The following DCDC1 variants were observed in gnomAD, a reference collection of about 807,000 sequenced individuals.
The protein encoded by DCDC1 is doublecortin domain-containing protein 1.
A neutral mutation model predicts 178.3 loss-of-function variants in DCDC1; 200 were observed. That is an observed-to-expected ratio of 1.12 (90% CI 1.00 to 1.26). DCDC1 has a LOEUF of 1.26. DCDC1 is among the 50% of genes most tolerant of loss of function. The probability of loss-of-function intolerance (pLI) is 0.00; values close to 1 mark genes in which losing one functional copy is unlikely to be tolerated. For missense variants in DCDC1, 1,983 were observed against 1,749.2 expected (o/e 1.13, Z -2.38); for synonymous variants, 690 against 604.8 (o/e 1.14, Z -2.07).
chr11:31,042,393 T>C (rs544211323), intron 20 of DCDC1, among the ~76,000 whole-genome samples: 9 of 152,306 alleles, frequency 5.9e-5, no homozygotes, highest in African/African-American at 1.9e-4. Flanking sequence ...TATACTAAGT[T>C]CTAGAATAAA....
chr11:31,119,228 A>G (rs1332687428), intron 11 of DCDC1, among the ~76,000 whole-genome samples: 1 of 152,188 alleles, frequency 6.6e-6, no homozygotes, highest in Non-Finnish European at 1.5e-5. Flanking sequence ...TAAAACCTAC[A>G]TATGAAAATT....
At chr11:31,054,117 C>T (rs913129311) in intron 20 of DCDC1, among the ~76,000 whole-genome samples, 2 of 151,842 alleles carry the variant, frequency 1.3e-5, no homozygotes, top group South Asian at 2.1e-4. Context: ...TAAAAGAATT[C>T]GGCAAAGTTT....
chr11:31,301,221 A>G (rs1295106962), intron 6 of DCDC1, among the ~76,000 whole-genome samples: 3 of 152,184 alleles, frequency 2.0e-5, no homozygotes, highest in Non-Finnish European at 4.4e-5. Flanking sequence ...GAATATATAT[A>G]GAAAAGTGGA....
chr11:31,355,540 G>C (rs1951297187), intron 1 of DCDC1, among the ~76,000 whole-genome samples: 2 of 151,960 alleles, frequency 1.3e-5, no homozygotes, highest in South Asian at 2.1e-4. Context: ...TTTGGTTACT[G>C]AATTAGTGTT....
At chr11:30,946,181 C>T (rs192733614) in intron 21 of DCDC1, among the ~76,000 whole-genome samples, 1 of 152,254 alleles carries the variant, frequency 6.6e-6, no homozygotes, top group Non-Finnish European at 1.5e-5. Context: ...TAAGGATATT[C>T]CTCTTGCCCT....
intron 11 of DCDC1, among the ~76,000 whole-genome samples, chr11:31,122,825 A>C (rs1244468428): frequency 1.3e-5 from 2 of 152,156 alleles, no homozygotes; most frequent in Admixed American, 1.3e-4. Flanking sequence ...AGAATATTTC[A>C]ATTTTTGTGC....
intron 9 of DCDC1, among the ~76,000 whole-genome samples, chr11:31,188,824 T>C (rs1029463729): frequency 6.6e-6 from 1 of 152,206 alleles, no homozygotes; most frequent in Admixed American, 6.5e-5. Flanking sequence ...AAAATGTGTG[T>C]GTCCCTGCAA....
chr11:31,174,433 G>T lies in DCDC1; in HGVS notation c.1222-36649C>A, dbSNP rs535960921. Among the ~76,000 whole-genome samples, 9 of 152,312 alleles carry T rather than the reference G, an allele frequency of 5.9e-5. No homozygotes were observed. The East Asian group carries it at 1.2e-3, about 20-fold the overall frequency. On this transcript the variant is annotated intron_variant, in intron 9 of 38. Coordinates refer to ENST00000684477, the MANE Select transcript of DCDC1 (RefSeq NM_001387274.1). ...CAGCACAAGATGGAGGCCAAGGGGG[G>T]TGCTGAGGGCAGCTCGGTGCTGGCC...
At chr11:31,268,243 T>C (rs1470226551) in intron 7 of DCDC1, among the ~76,000 whole-genome samples, 1 of 152,156 alleles carries the variant, frequency 6.6e-6, no homozygotes, top group Admixed American at 6.5e-5. Context: ...AAGTTACAAT[T>C]TACCAATTAA....
chr11:30,952,032 G>C (rs935930942), intron 21 of DCDC1, among the ~76,000 whole-genome samples: 6 of 152,224 alleles, frequency 3.9e-5, no homozygotes, highest in Admixed American at 1.3e-4. Context: ...AAAGGAAAGG[G>C]TGGAAAGAAG....
At chr11:31,278,197 G>T (rs1014354217) in intron 7 of DCDC1, among the ~76,000 whole-genome samples, 3 of 151,936 alleles carry the variant, frequency 2.0e-5, no homozygotes, top group Admixed American at 6.6e-5. Flanking sequence ...TGTATGTGTG[G>T]GTCTATTTCT....
chr11:31,303,574 T>C (rs1301876236), intron 6 of DCDC1, among the ~76,000 whole-genome samples: 1 of 152,144 alleles, frequency 6.6e-6, no homozygotes, highest in Non-Finnish European at 1.5e-5. Flanking sequence ...TGTGAATATG[T>C]GAGTGATATG....
At chr11:31,232,679 T>G (rs1314270309) in intron 9 of DCDC1, among the ~76,000 whole-genome samples, 1 of 152,170 alleles carries the variant, frequency 6.6e-6, no homozygotes, top group Non-Finnish European at 1.5e-5. Context: ...CAACTCTATC[T>G]TGCTGTCTCA....
intron 20 of DCDC1, among the ~76,000 whole-genome samples, chr11:30,995,278 C>T (rs535173760): frequency 9.2e-5 from 14 of 152,164 alleles, no homozygotes; most frequent in African/African-American, 3.4e-4. Flanking sequence ...TAAATAAATA[C>T]ACCATATTCA....
intron 20 of DCDC1, among the ~76,000 whole-genome samples, chr11:31,004,082 C>T (rs1287990996): frequency 6.6e-6 from 1 of 151,908 alleles, no homozygotes; most frequent in Non-Finnish European, 1.5e-5. Context: ...CTGGGAAGAT[C>T]CAAAAGGAGA....
At chr11:31,213,185 T>C (rs1237454833) in intron 9 of DCDC1, among the ~76,000 whole-genome samples, 2 of 136,652 alleles carry the variant, frequency 1.5e-5, no homozygotes, top group Non-Finnish European at 3.1e-5. Context: ...AGGGCAGTGG[T>C]TTGCTGTCCT....
intron 20 of DCDC1, among the ~76,000 whole-genome samples, chr11:31,004,181 A>G (rs1041441324): frequency 1.3e-5 from 2 of 152,230 alleles, no homozygotes; most frequent in Admixed American, 6.5e-5. Flanking sequence ...ATTGAGGAAA[A>G]CAACACATTT....
Position 31,290,758 on chromosome 11 carries a change from A to C in DCDC1, c.849T>G (p.Ser283=). ...TCTCAGTAAGTTTCTTCATTCTAAT[A>C]GAAAGAACAGGCTTGGTTTTCCGTC... is the stretch of plus-strand genomic sequence containing the variant. The part of the protein sequence containing the change: ...IKRRKTKPVL[S]IRMKKLTERT... Residue 283 remains serine, a synonymous_variant, in exon 7 of 39, where the codon TCT becomes TCG. Coordinates refer to ENST00000684477, the MANE Select transcript of DCDC1 (RefSeq NM_001387274.1). 1 of 1,613,536 alleles carries C rather than the reference A, an allele frequency of 6.2e-7. No individual in the cohort carries two copies. Among genetic ancestry groups the C allele is most frequent in the South Asian group, 1.1e-5 (1 of 91,042 alleles).
chr11:30,873,079 GTC>G (rs887060085), intron 38 of DCDC1, among the ~76,000 whole-genome samples: 5 of 148,418 alleles, frequency 3.4e-5, no homozygotes, highest in African/African-American at 1.2e-4. Context: ...CTCTCTCTCT[GTC>G]TCTCTCTCTG....
Sources: gnomAD v4.1 joint callset for allele counts (sites outside exome capture counted in the v4.1 genomes callset) on GRCh38, gnomAD v4.1.1 for gene constraint, MANE v1.5 for transcripts, NCBI Gene and HGNC (gene_info 2026-07-23, HGNC 2026-07-21) for gene names.